PLA2G4E: variants seen among roughly 807,000 people sequenced by gnomAD.
PLA2G4E encodes the protein phospholipase A2 group IVE.
In PLA2G4E, 84 loss-of-function variants were observed where a neutral mutation model predicts 109.1. The observed-to-expected ratio is 0.77, with a 90% CI of 0.65 to 0.92. The LOEUF (loss-of-function observed/expected upper bound fraction) is 0.92, where lower values mean the gene tolerates loss of function less well. PLA2G4E is among the 40% of genes least tolerant of loss of function. PLA2G4E has a pLI of 0.00. For missense variants in PLA2G4E, 1,057 were observed against 1,076.6 expected (o/e 0.98, Z 0.25); for synonymous variants, 469 against 436.1 (o/e 1.08, Z -0.94).
chr15:42,021,736 C>G (rs975481057), intron 1 of PLA2G4E, among the ~76,000 whole-genome samples: 3 of 152,196 alleles, frequency 2.0e-5, no homozygotes, highest in Non-Finnish European at 2.9e-5. Context: ...TGGTGGCTCA[C>G]TGAGGGGCCT....
chr15:42,000,044 T>G (rs2068398465), intron 8 of PLA2G4E, 44 bp from the exon 9 acceptor site: 1 of 1,579,756 alleles, frequency 6.3e-7, no homozygotes, highest in African/African-American at 1.3e-5. Context: ...GGGGAGCTCC[T>G]CTGGCACCCC....
intron 12 of PLA2G4E, 46 bp downstream of exon 12, chr15:41,995,314 C>T (rs773692157): frequency 1.6e-5 from 25 of 1,592,568 alleles, no homozygotes; most frequent in East Asian, 4.5e-5. Context: ...CCAGCCTGTT[C>T]GTGGCTTGCC....
intron 1 of PLA2G4E, among the ~76,000 whole-genome samples, chr15:42,019,258 A>G (rs1209674950): frequency 6.6e-6 from 1 of 152,216 alleles, no homozygotes; most frequent in African/African-American, 2.4e-5. Flanking sequence ...CAGCCTCCTC[A>G]TTGGAGCTCT....
In PLA2G4E at chr15:41,997,066, G is replaced by A. The variant is rs117708207; in HGVS notation, c.1110+58C>T. 7.0e-4 allele frequency: 1,037 copies of A among 1,472,594 alleles called. 18 individuals carry two copies. In the East Asian group the frequency reaches 0.023, roughly 33 times the overall value. The allele number at this position is 1,472,594 out of a possible 1,614,324, so 91.2% of individuals were successfully genotyped here. ...AGGGCAGGGCCTGGGTTGGCTGGGA[G>A]GGCATGGTGCTGGAAGGACCAGCTG... On this transcript the variant is annotated intron_variant, in intron 11 of 19. Coordinates refer to ENST00000399518, the Ensembl canonical transcript of PLA2G4E.
chr15:41,999,990 C>T (rs753920531), exon 9 of PLA2G4E: 23 of 1,608,014 alleles, frequency 1.4e-5, no homozygotes, highest in African/African-American at 5.3e-5. Context: ...CTTGCGAGAG[C>T]GGCAGCAAAG....
At chr15:42,035,509 G>A (rs1047244250) in intron 1 of PLA2G4E, among the ~76,000 whole-genome samples, 3 of 152,244 alleles carry the variant, frequency 2.0e-5, no homozygotes, top group Admixed American at 6.5e-5. Flanking sequence ...AGCGAGTAAG[G>A]CTCAGTTGAA....
intron 1 of PLA2G4E, among the ~76,000 whole-genome samples, chr15:42,022,209 G>A (rs1332137380): frequency 1.3e-5 from 2 of 152,202 alleles, no homozygotes; most frequent in Non-Finnish European, 2.9e-5. Flanking sequence ...CAGAGGCTCA[G>A]GGATCCAAGT....
At chr15:42,015,560 T>C (rs1008166044) in intron 1 of PLA2G4E, among the ~76,000 whole-genome samples, 6 of 152,140 alleles carry the variant, frequency 3.9e-5, no homozygotes, top group Non-Finnish European at 8.8e-5. Context: ...TCTTCTAGAG[T>C]ATTATTTTTG....
intron 10 of PLA2G4E, 44 bp downstream of exon 10, chr15:41,999,480 G>T (rs767415178): frequency 7.0e-7 from 1 of 1,425,874 alleles, no homozygotes; most frequent in African/African-American, 1.4e-5. Context: ...CACACCCACT[G>T]CTATGAATAA....
At position 42,002,147 on chromosome 15, in the gene PLA2G4E, A is replaced by G. The variant is rs966289338; in HGVS notation, c.609+507T>C. 1.3e-5 allele frequency among the ~76,000 whole-genome samples: 2 copies of G among 151,964 alleles called. 1 individual carries two copies. The highest frequency in any genetic ancestry group is 3.9e-4 in the East Asian group (2 of 5,164). ...CAACATGTTGAAACCCCGTCTCTACAAAATACAAAATAATAGCTGGGGGTG... is the reference window on the plus strand; with the variant it reads ...CAACATGTTGAAACCCCGTCTCTACGAAATACAAAATAATAGCTGGGGGTG... On this transcript the variant is annotated intron_variant, in intron 6 of 19. Coordinates refer to ENST00000399518, the Ensembl canonical transcript of PLA2G4E.
chr15:41,992,821 C>T, exon 13 of PLA2G4E: 5 of 1,613,944 alleles, frequency 3.1e-6, no homozygotes, highest in Non-Finnish European at 4.2e-6. Context: ...GCTGCCGGAG[C>T]TCCTCCTGGA....
At chr15:42,033,772 G>C (rs932585391) in intron 1 of PLA2G4E, among the ~76,000 whole-genome samples, 2 of 152,184 alleles carry the variant, frequency 1.3e-5, no homozygotes, top group African/African-American at 4.8e-5. Context: ...CTGCCGCCCC[G>C]CAGCCTGTGA....
At chr15:42,013,825 C>A in intron 1 of PLA2G4E, 68 bp from the exon 2 acceptor site, 1 of 1,331,656 alleles carries the variant, frequency 7.5e-7, no homozygotes, top group Non-Finnish European at 1.0e-6. Context: ...CCGGGGGAGA[C>A]TTTCCCGCTA....
chr15:41,994,307 G>A (rs906955170), intron 12 of PLA2G4E, among the ~76,000 whole-genome samples: 8 of 151,846 alleles, frequency 5.3e-5, no homozygotes, highest in African/African-American at 1.9e-4. Context: ...GCCCCCCGGG[G>A]GGGTGTGTGG....
At chr15:42,050,481 T>G in intron 1 of PLA2G4E, 1 of 1,528,346 alleles carries the variant, frequency 6.5e-7, no homozygotes, top group Non-Finnish European at 8.8e-7. Flanking sequence ...GAGGTTAAAA[T>G]TTAAGGGACC....
intron 3 of PLA2G4E, among the ~76,000 whole-genome samples, chr15:42,006,994 G>C (rs1005666644): frequency 2.0e-5 from 3 of 152,182 alleles, no homozygotes; most frequent in Non-Finnish European, 4.4e-5. Flanking sequence ...ATGTATGATA[G>C]AAAAGGTATT....
chr15:41,989,526 C>CA lies in PLA2G4E; in HGVS notation c.1611_1612insT (p.Val538CysfsTer81). 6.2e-7 allele frequency: 1 copy of CA among 1,613,776 alleles called. No homozygotes were observed. Among genetic ancestry groups the CA allele is most frequent in the Non-Finnish European group, 8.5e-7 (1 of 1,179,766 alleles). On this transcript the variant is annotated frameshift_variant, in exon 15 of 20. Coordinates refer to ENST00000399518, the Ensembl canonical transcript of PLA2G4E. LOFTEE classifies it high-confidence loss of function. ...AAGGCCCCATACTTCTGCAGGCCCA[C>CA]CTCGTAGGGGGAGAACTCGAACCAC...
At position 42,000,032 on chromosome 15, in the gene PLA2G4E, C is replaced by T. The variant is rs1299115819; in HGVS notation, c.853-32G>A. 3.1e-6 allele frequency: 5 copies of T among 1,587,924 alleles called. No individual in the cohort carries two copies. In the African/African-American group the frequency reaches 4.0e-5, roughly 13 times the overall value. On this transcript the variant is annotated intron_variant, in intron 8 of 19. Coordinates refer to ENST00000399518, the Ensembl canonical transcript of PLA2G4E. ...GGATGGGTGGGTTCTGTGAGAGGGG[C>T]TGGGGAGCTCCTCTGGCACCCCCCA... is the stretch of plus-strand genomic sequence containing the variant.
At chr15:41,990,204 G>T in exon 14 of PLA2G4E, 1 of 1,613,764 alleles carries the variant, frequency 6.2e-7, no homozygotes, top group Non-Finnish European at 8.5e-7. Flanking sequence ...GCTCAAAGCA[G>T]CACGCTGATC....
Sources: gnomAD v4.1 joint callset for allele counts (sites outside exome capture counted in the v4.1 genomes callset) on GRCh38, gnomAD v4.1.1 for gene constraint, MANE v1.5 for transcripts, NCBI Gene and HGNC (gene_info 2026-07-23, HGNC 2026-07-21) for gene names.